CACNB2: variants seen among roughly 807,000 people sequenced by gnomAD.
The protein encoded by CACNB2 is voltage-dependent L-type calcium channel subunit beta-2.
CACNB2 carries 42 observed loss-of-function variants against 73.3 expected under a neutral mutation model. That is an observed-to-expected ratio of 0.57 (90% CI 0.45 to 0.74). The LOEUF (loss-of-function observed/expected upper bound fraction) is 0.74, where lower values mean the gene tolerates loss of function less well. Among genes scored for constraint, CACNB2 ranks in the 30% least tolerant of loss-of-function variants. CACNB2 has a pLI of 0.00. For synonymous variants in CACNB2, 348 were observed against 310.3 expected, an observed-to-expected ratio of 1.12 and a Z score of -1.28; for missense variants, 940 against 853.0, an observed-to-expected ratio of 1.10 and a Z score of -1.27.
intron 2 of CACNB2, among the ~76,000 whole-genome samples, chr10:18,229,480 G>A (rs1156752276): frequency 5.9e-5 from 9 of 152,112 alleles, no homozygotes; most frequent in African/African-American, 9.7e-5. Flanking sequence ...ACTGTACAAA[G>A]CAAATAGAAA....
intron 2 of CACNB2, among the ~76,000 whole-genome samples, chr10:18,315,332 A>AAAAACAAAAC (rs141967693): frequency 2.8e-5 from 4 of 143,316 alleles, no homozygotes; most frequent in African/African-American, 1.1e-4. Context: ...AGACTCTGTC[A>AAAAACAAAAC]AAAACAAAAC....
chr10:18,144,363 C>A (rs60689569), intron 1 of CACNB2, among the ~76,000 whole-genome samples: 14,486 of 152,246 alleles, frequency 0.095, 910 homozygotes, highest in East Asian at 0.29. Flanking sequence ...TACAGGCGTG[C>A]GCCACCATGC....
intron 2 of CACNB2, among the ~76,000 whole-genome samples, chr10:18,304,197 C>G (rs190774237): frequency 6.6e-6 from 1 of 152,150 alleles, no homozygotes; most frequent in Non-Finnish European, 1.5e-5. Context: ...TTCAAGCGAG[C>G]CTCCTGACTC....
intron 3 of CACNB2, among the ~76,000 whole-genome samples, chr10:18,489,742 T>C (rs2049299368): frequency 6.6e-6 from 1 of 152,246 alleles, no homozygotes; most frequent in Non-Finnish European, 1.5e-5. Context: ...TCCTGTCATG[T>C]ACAAGGTAAA....
chr10:18,190,226 C>T (rs2034333954), intron 2 of CACNB2, among the ~76,000 whole-genome samples: 1 of 152,178 alleles, frequency 6.6e-6, no homozygotes, highest in Non-Finnish European at 1.5e-5. Flanking sequence ...CTATGACCCA[C>T]AGGCAAGGAG....
chr10:18,292,293 A>G (rs2039096723), intron 2 of CACNB2, among the ~76,000 whole-genome samples: 3 of 152,232 alleles, frequency 2.0e-5, no homozygotes, highest in African/African-American at 7.2e-5. Flanking sequence ...TCAATGATAG[A>G]CATGTATAAA....
chr10:18,422,640 C>A (rs183799495), intron 3 of CACNB2, among the ~76,000 whole-genome samples: 2 of 152,248 alleles, frequency 1.3e-5, no homozygotes, highest in East Asian at 3.9e-4. Context: ...GTTTCTCTTG[C>A]CAAACATGTA....
chr10:18,348,281 G>C (rs1209216189), intron 2 of CACNB2, among the ~76,000 whole-genome samples: 1 of 152,174 alleles, frequency 6.6e-6, no homozygotes, highest in Non-Finnish European at 1.5e-5. Flanking sequence ...TTTGGAAATT[G>C]TGGAATTCAG....
chr10:18,172,247 C>T (rs1168244979), intron 2 of CACNB2, among the ~76,000 whole-genome samples: 2 of 152,126 alleles, frequency 1.3e-5, no homozygotes, highest in Non-Finnish European at 2.9e-5. Flanking sequence ...GCCTGTAGTC[C>T]CAGCTACTCA....
At chr10:18,191,668 A>T (rs749589144) in intron 2 of CACNB2, among the ~76,000 whole-genome samples, 1 of 152,166 alleles carries the variant, frequency 6.6e-6, no homozygotes. Flanking sequence ...TAGCTCCCAC[A>T]TATCAGTGAG....
At chr10:18,503,052 G>T (rs2050294484) in intron 5 of CACNB2, among the ~76,000 whole-genome samples, 1 of 152,076 alleles carries the variant, frequency 6.6e-6, no homozygotes, top group Non-Finnish European at 1.5e-5. Flanking sequence ...ATTAGCAGCA[G>T]TAAATTATTC....
At chr10:18,473,335 T>C (rs896349239) in intron 3 of CACNB2, among the ~76,000 whole-genome samples, 4 of 152,200 alleles carry the variant, frequency 2.6e-5, no homozygotes, top group South Asian at 4.1e-4. Flanking sequence ...AATACACAGG[T>C]AATATTTGGG....
chr10:18,444,171 T>C (rs1455310198), intron 3 of CACNB2, among the ~76,000 whole-genome samples: 1 of 152,156 alleles, frequency 6.6e-6, no homozygotes, highest in African/African-American at 2.4e-5. Context: ...GGGGGTGCCT[T>C]AGGGAGGTGA....
At chr10:18,406,259 G>A (rs1018862175) in intron 3 of CACNB2, among the ~76,000 whole-genome samples, 13 of 152,304 alleles carry the variant, frequency 8.5e-5, no homozygotes, top group African/African-American at 2.9e-4. Flanking sequence ...GAGCACCCAG[G>A]TTTAGACTGC....
At chr10:18,536,269 TTTTTG>T in intron 12 of CACNB2, 73 bp downstream of exon 12, 2 of 379,680 alleles carry the variant, frequency 5.3e-6, no homozygotes, top group Admixed American at 4.5e-5. Context: ...TTTTTTTTTT[TTTTTG>T]GGGGACAAGG....
In CACNB2 at chr10:18,525,237, T is replaced by C. The variant is rs574601267; in HGVS notation, c.945-2351T>C. On this transcript the variant is annotated intron_variant, in intron 9 of 13. Transcript: ENST00000324631. ...TCCGTGTTATATGCTTGGGGATTCC[T>C]TTCACCTTTGTTTTGGGTTGAAGCT... Among the ~76,000 whole-genome samples the C allele has an allele frequency of 5.2e-4, 79 of 152,196 alleles. 1 individual carries two copies. Among genetic ancestry groups the C allele is most frequent in the African/African-American group, 1.9e-3 (78 of 41,512 alleles).
intron 5 of CACNB2, among the ~76,000 whole-genome samples, chr10:18,504,135 G>C (rs1247371681): frequency 6.6e-6 from 1 of 152,114 alleles, no homozygotes; most frequent in Non-Finnish European, 1.5e-5. Flanking sequence ...CTCCCAAATG[G>C]GCTTGCCTAG....
chr10:18,271,706 C>G (rs1346522775), intron 2 of CACNB2, among the ~76,000 whole-genome samples: 1 of 152,138 alleles, frequency 6.6e-6, no homozygotes, highest in South Asian at 2.1e-4. Context: ...CTTTCATTGC[C>G]CGCTAACCTT....
chr10:18,303,508 C>T (rs2039609670), intron 2 of CACNB2, among the ~76,000 whole-genome samples: 1 of 151,762 alleles, frequency 6.6e-6, no homozygotes, highest in Non-Finnish European at 1.5e-5. Context: ...CCATCTCAAA[C>T]CAAAAGAAAA....
Sources: gnomAD v4.1 joint callset for allele counts (sites outside exome capture counted in the v4.1 genomes callset) on GRCh38, gnomAD v4.1.1 for gene constraint, MANE v1.5 for transcripts, NCBI Gene and HGNC (gene_info 2026-07-23, HGNC 2026-07-21) for gene names.